Variants in ATP1B3 observed in about 807,000 individuals in gnomAD.
ATP1B3 encodes ATPase Na+/K+ transporting subunit beta 3.
A neutral mutation model predicts 30.2 loss-of-function variants in ATP1B3; 10 were observed. That is an observed-to-expected ratio of 0.33 (90% CI 0.20 to 0.56). The LOEUF (loss-of-function observed/expected upper bound fraction) is 0.56, where lower values mean the gene tolerates loss of function less well. Among genes scored for constraint, ATP1B3 ranks in the 20% least tolerant of loss-of-function variants. The pLI, the probability that ATP1B3 is intolerant of heterozygous loss-of-function variation, is 0.90. For synonymous variants in ATP1B3, 113 were observed against 117.0 expected (o/e 0.97, Z 0.22); for missense variants, 238 against 336.7 (o/e 0.71, Z 2.29).
At chr3:141,902,246 T>C in intron 1 of ATP1B3, 1 of 1,259,836 alleles carries the variant, frequency 7.9e-7, no homozygotes, top group African/African-American at 1.5e-5. Context: ...GGGGGAGGGG[T>C]AGAATGCTAG....
chr3:141,877,288 G>C (rs1294655050), intron 1 of ATP1B3, among the ~76,000 whole-genome samples: 1 of 150,448 alleles, frequency 6.6e-6, no homozygotes, highest in Admixed American at 6.6e-5. Flanking sequence ...TCCTTTGTAC[G>C]GAGCGCTCCG....
At chr3:141,892,400 A>G (rs1933971502) in intron 1 of ATP1B3, among the ~76,000 whole-genome samples, 1 of 152,178 alleles carries the variant, frequency 6.6e-6, no homozygotes, top group African/African-American at 2.4e-5. Context: ...CTTCTATAAC[A>G]GCATTAAGTG....
At chr3:141,909,250 T>C (rs1934315070) in intron 3 of ATP1B3, among the ~76,000 whole-genome samples, 1 of 152,234 alleles carries the variant, frequency 6.6e-6, no homozygotes, top group South Asian at 2.1e-4. Context: ...TGCAATGAAG[T>C]GTTCCCTGCC....
At chr3:141,914,185 A>C (rs894515498) in intron 4 of ATP1B3, among the ~76,000 whole-genome samples, 1 of 152,226 alleles carries the variant, frequency 6.6e-6, no homozygotes, top group African/African-American at 2.4e-5. Flanking sequence ...TGCAGTGCTC[A>C]TCTGTGAATC....
At chr3:141,905,203 G>A (rs956563896) in intron 2 of ATP1B3, among the ~76,000 whole-genome samples, 1 of 152,194 alleles carries the variant, frequency 6.6e-6, no homozygotes, top group Non-Finnish European at 1.5e-5. Flanking sequence ...CAGTCCTAGA[G>A]GAGTGGGATT....
At chr3:141,886,272 C>T (rs1370022093) in intron 1 of ATP1B3, among the ~76,000 whole-genome samples, 1 of 152,136 alleles carries the variant, frequency 6.6e-6, no homozygotes, top group African/African-American at 2.4e-5. Context: ...ATCTAAGACC[C>T]TTAGTCTGGA....
At chr3:141,899,137 A>G (rs917304002) in intron 1 of ATP1B3, among the ~76,000 whole-genome samples, 5 of 152,160 alleles carry the variant, frequency 3.3e-5, no homozygotes, top group African/African-American at 1.2e-4. Context: ...AAATATTTTA[A>G]AATTTATTGT....
chr3:141,877,452 G>GTGT (rs1452939687), intron 1 of ATP1B3: 1 of 152,296 alleles, frequency 6.6e-6, no homozygotes, highest in East Asian at 1.9e-4. Flanking sequence ...GTGCGACTGA[G>GTGT]TGTTAAGTGT....
intron 3 of ATP1B3, 73 bp downstream of exon 3, chr3:141,907,347 C>CCGGTA: frequency 8.4e-7 from 1 of 1,192,376 alleles, no homozygotes; most frequent in South Asian, 1.4e-5. Context: ...GGGCCGGGCA[C>CCGGTA]GGTAGCTCAC....
intron 1 of ATP1B3, among the ~76,000 whole-genome samples, chr3:141,893,134 G>A (rs1206294507): frequency 6.6e-6 from 1 of 151,890 alleles, no homozygotes; most frequent in Admixed American, 6.6e-5. Context: ...TCAGCCTCTC[G>A]AGTAGCTGGG....
intron 1 of ATP1B3, among the ~76,000 whole-genome samples, chr3:141,887,598 T>C (rs1288051090): frequency 1.3e-5 from 2 of 152,194 alleles, no homozygotes; most frequent in Non-Finnish European, 2.9e-5. Flanking sequence ...GTTCACAAAA[T>C]GCTCTTGTAC....
At chr3:141,892,651 CAAAAAAAAAAAA>C (rs386398103) in intron 1 of ATP1B3, among the ~76,000 whole-genome samples, 1 of 70,010 alleles carries the variant, frequency 1.4e-5, no homozygotes, top group Non-Finnish European at 2.6e-5. Flanking sequence ...GAGACTGTCT[CAAAAAAAAAAAA>C]AAAAAAAAAA....
At chr3:141,918,015 G>A (rs981456025) in intron 5 of ATP1B3, among the ~76,000 whole-genome samples, 4 of 151,928 alleles carry the variant, frequency 2.6e-5, no homozygotes, top group East Asian at 1.9e-4. Flanking sequence ...TGATCCGCCC[G>A]CCTCAGCCTC....
intron 1 of ATP1B3, among the ~76,000 whole-genome samples, chr3:141,884,058 C>CT (rs1318973787): frequency 6.6e-6 from 1 of 152,068 alleles, no homozygotes; most frequent in Non-Finnish European, 1.5e-5. Context: ...CTCATAAAGT[C>CT]TTTTTTTCTT....
chr3:141,890,077 A>ATT (rs1168391065), intron 1 of ATP1B3, among the ~76,000 whole-genome samples: 5 of 118,758 alleles, frequency 4.2e-5, no homozygotes, highest in African/African-American at 1.7e-4. Flanking sequence ...CTGTAATCTA[A>ATT]TTTTTTTTCT....
At chr3:141,913,874 A>T (rs1276435751) in intron 4 of ATP1B3, 38 bp downstream of exon 4, 1 of 1,542,248 alleles carries the variant, frequency 6.5e-7, no homozygotes. Context: ...GCTTTTTTCT[A>T]ATATTCTCTT....
chr3:141,907,260 A>G lies in ATP1B3; in HGVS notation c.332A>G (p.Lys111Arg), dbSNP rs1934279917. 1 of 1,609,658 alleles carries G rather than the reference A, an allele frequency of 6.2e-7. No homozygotes were observed. Among genetic ancestry groups the G allele is most frequent in the South Asian group, 1.1e-5 (1 of 90,060 alleles). ...TATGCAGGGTACATTGAAGACCTTA[A>G]GAAGTTTCTAAAACGTGAGTATGTT... ...TSYAGYIEDL[K>R]KFLKPYTLEE... Residue 111 changes from lysine to arginine, a missense_variant, in exon 3 of 7, where the codon AAG (lysine) becomes AGG (arginine). By Grantham distance (26) the Lys-to-Arg change is conservative. Coordinates refer to ENST00000286371, the MANE Select transcript of ATP1B3 (RefSeq NM_001679.4).
At chr3:141,920,527 A>G (rs1422333880) in intron 5 of ATP1B3, among the ~76,000 whole-genome samples, 2 of 126,816 alleles carry the variant, frequency 1.6e-5, no homozygotes, top group African/African-American at 5.1e-5. Flanking sequence ...ACTCTGTCTC[A>G]AAAAAAAGAA....
intron 2 of ATP1B3, among the ~76,000 whole-genome samples, chr3:141,903,976 G>A (rs1934215905): frequency 6.6e-6 from 1 of 152,126 alleles, no homozygotes; most frequent in East Asian, 1.9e-4. Context: ...TAGAGACAGG[G>A]TTTTTCCATG....
Sources: gnomAD v4.1 joint callset for allele counts (sites outside exome capture counted in the v4.1 genomes callset) on GRCh38, gnomAD v4.1.1 for gene constraint, MANE v1.5 for transcripts, NCBI Gene and HGNC (gene_info 2026-07-23, HGNC 2026-07-21) for gene names.